The following PRKAR1A variants were observed in gnomAD, a reference collection of about 807,000 sequenced individuals.
The protein encoded by PRKAR1A is cAMP-dependent protein kinase type I-alpha regulatory subunit.
In PRKAR1A, 3 loss-of-function variants were observed where a neutral mutation model predicts 52.0. The observed-to-expected ratio is 0.06, with a 90% CI of 0.03 to 0.15. The LOEUF (loss-of-function observed/expected upper bound fraction) is 0.15. Among genes scored for constraint, PRKAR1A ranks in the 10% least tolerant of loss-of-function variants. The pLI is 1.00. For synonymous variants in PRKAR1A, 188 were observed against 168.4 expected (o/e 1.12, Z -0.90); for missense variants, 240 against 477.4 (o/e 0.50, Z 4.63).
the PRKAR1A span, among the ~76,000 whole-genome samples, chr17:68,474,672 G>C: frequency 6.6e-6 from 1 of 152,134 alleles, no homozygotes; most frequent in Non-Finnish European, 1.5e-5. Flanking sequence ...GAGGCGGGCG[G>C]ATAACGAGGT....
intron 11 of PRKAR1A, chr17:68,541,685 T>C (rs978579444): frequency 4.4e-5 from 13 of 296,268 alleles, no homozygotes; most frequent in Non-Finnish European, 7.0e-5. Flanking sequence ...TTTCGTGATC[T>C]GGCTACATGT....
At chr17:68,489,784 GACCTCAAGTGATCC>G in the PRKAR1A span, among the ~76,000 whole-genome samples, 3 of 151,868 alleles carry the variant, frequency 2.0e-5, no homozygotes, top group Admixed American at 1.3e-4. Context: ...TCGAACTCCT[GACCTCAAGTGATCC>G]ACCCACCTTG....
the PRKAR1A span, among the ~76,000 whole-genome samples, chr17:68,464,466 A>C: frequency 4.6e-5 from 7 of 152,174 alleles, no homozygotes; most frequent in Admixed American, 6.5e-5. Context: ...ATGGATCGTG[A>C]GGTCAGGAGT....
downstream of PRKAR1A, chr17:68,536,764 T>C (rs772367244): frequency 4.4e-6 from 2 of 454,152 alleles, no homozygotes; most frequent in South Asian, 3.1e-5. Context: ...AATTATTTAT[T>C]CTGTTACTGG....
intron 1 of PRKAR1A, chr17:68,513,298 G>T (rs964204491): frequency 1.3e-5 from 2 of 152,224 alleles, no homozygotes; most frequent in Non-Finnish European, 2.9e-5. Context: ...TCAGCTCAGA[G>T]CCTGTGGTGA....
At chr17:68,542,459 TGTAG>T (rs2086345552) in intron 11 of PRKAR1A, among the ~76,000 whole-genome samples, 1 of 152,132 alleles carries the variant, frequency 6.6e-6, no homozygotes, top group Non-Finnish European at 1.5e-5. Context: ...AGGCCAGCAT[TGTAG>T]GGTCAATGCC....
the PRKAR1A span, among the ~76,000 whole-genome samples, chr17:68,500,389 T>C: frequency 6.6e-6 from 1 of 152,222 alleles, no homozygotes; most frequent in Non-Finnish European, 1.5e-5. Flanking sequence ...TCATTTTCTC[T>C]CTTGTCTGCC....
chr17:68,537,568 C>T (rs2143441208), downstream of PRKAR1A: 1 of 1,613,206 alleles, frequency 6.2e-7, no homozygotes, highest in Non-Finnish European at 8.5e-7. The surrounding 1 kb of genome is among the most constrained non-coding windows in gnomAD (Gnocchi z 4.2). Context: ...GGCCACTATG[C>T]ACCCCTCCAC....
chr17:68,523,919 C>T, intron 4 of PRKAR1A, 97 bp from the exon 5 acceptor site: 1 of 1,577,122 alleles, frequency 6.3e-7, no homozygotes, highest in African/African-American at 1.3e-5. Flanking sequence ...TAATTGTTCA[C>T]CAGATGACAG....
In PRKAR1A at chr17:68,522,858, A is replaced by C. The variant is rs1443738914; in HGVS notation, c.280A>C (p.Arg94=). ...PPPPNPVVKG[R]RRRGAISAEV... ...TCCACCCAACCCAGTGGTTAAAGGT[A>C]GGAGGCGACGAGGTGCTATCAGCGC... The change falls in exon 3 of 11, where the codon AGG becomes CGG. Residue 94 remains arginine (R), a synonymous_variant. Transcript: ENST00000589228. 4 of 1,613,976 alleles carry C rather than the reference A, an allele frequency of 2.5e-6. No individual in the cohort carries two copies. The highest frequency in any genetic ancestry group is 1.7e-5 in the Admixed American group (1 of 60,024).
At chr17:68,539,969 G>C (rs2086216391) in intron 11 of PRKAR1A, 1 of 1,614,028 alleles carries the variant, frequency 6.2e-7, no homozygotes, top group Non-Finnish European at 8.5e-7. Flanking sequence ...CATATTCCCT[G>C]TGAAGGAGGG....
At chr17:68,489,633 C>T in the PRKAR1A span, among the ~76,000 whole-genome samples, 7 of 151,558 alleles carry the variant, frequency 4.6e-5, no homozygotes, top group African/African-American at 1.7e-4. Flanking sequence ...TCACTGCAAC[C>T]TCTGCCTCCC....
the PRKAR1A span, among the ~76,000 whole-genome samples, chr17:68,454,934 A>G: frequency 6.6e-6 from 1 of 152,194 alleles, no homozygotes; most frequent in Non-Finnish European, 1.5e-5. Flanking sequence ...AATGGCCACA[A>G]AAGACTCTGA....
the PRKAR1A span, among the ~76,000 whole-genome samples, chr17:68,476,872 G>A: frequency 6.6e-6 from 1 of 151,918 alleles, no homozygotes; most frequent in East Asian, 1.9e-4. Flanking sequence ...CATGTTGGCA[G>A]GGTGGTCTCG....
At chr17:68,539,186 A>G (rs939425020) in intron 11 of PRKAR1A, 1 of 723,696 alleles carries the variant, frequency 1.4e-6, no homozygotes. Flanking sequence ...CATGCAGTGC[A>G]CAAATGTGTA....
intron 1 of PRKAR1A, chr17:68,514,874 A>C (rs2085379581): frequency 1.3e-5 from 2 of 156,082 alleles, no homozygotes; most frequent in African/African-American, 4.8e-5. Context: ...TTGGCTAATC[A>C]GATCCTCACT....
chr17:68,548,335 G>A (rs1600551423), intron 11 of PRKAR1A, among the ~76,000 whole-genome samples: 1 of 152,176 alleles, frequency 6.6e-6, no homozygotes, highest in Admixed American at 6.5e-5. Flanking sequence ...TTCGAGACCA[G>A]CCTGGCCAAC....
At chr17:68,550,048 C>A (rs1217866319) in intron 11 of PRKAR1A, among the ~76,000 whole-genome samples, 1 of 152,074 alleles carries the variant, frequency 6.6e-6, no homozygotes, top group Non-Finnish European at 1.5e-5. Context: ...GGTTTTACTG[C>A]CTAGTGTAAC....
At position 68,531,657 on chromosome 17, in the gene PRKAR1A, C is replaced by T. The variant is rs2085978636; in HGVS notation, c.*1208C>T. The T allele has an allele frequency of 1.9e-6, 2 of 1,066,170 alleles. No homozygotes were observed. Among genetic ancestry groups the T allele is most frequent in the African/African-American group, 3.3e-5 (2 of 61,204 alleles). 66.0% of individuals were successfully genotyped at this position (1,066,170 alleles called of 1,614,324 possible). ...CTTCAAATTGGTCTGAAAGGCTATC[C>T]TGCTGAAAGTCCTGCTTTCCTATCT... On this transcript the variant is annotated 3_prime_UTR_variant, in exon 11 of 11. Transcript: ENST00000589228.
Sources: allele counts gnomAD v4.1 joint callset (sites outside exome capture counted in the v4.1 genomes callset), GRCh38; gene constraint gnomAD v4.1.1; non-coding constraint Gnocchi (gnomAD v3.1); transcripts MANE v1.5; gene names NCBI Gene and HGNC (gene_info 2026-07-23, HGNC 2026-07-21).